The following SORCS1 variants were observed in gnomAD, a reference collection of about 807,000 sequenced individuals.
The protein encoded by SORCS1 is sortilin related VPS10 domain containing receptor 1.
A neutral mutation model predicts 146.1 loss-of-function variants in SORCS1; 60 were observed. The observed-to-expected ratio is 0.41, with a 90% CI of 0.33 to 0.51. The LOEUF (loss-of-function observed/expected upper bound fraction) is 0.51. Ranked by LOEUF, SORCS1 falls within the 20% of genes least tolerant of loss-of-function variation. The pLI is 0.21. For synonymous variants in SORCS1, 637 were observed against 584.0 expected, an observed-to-expected ratio of 1.09 and a Z score of -1.31; for missense variants, 1,352 against 1,487.6, an observed-to-expected ratio of 0.91 and a Z score of 1.50.
intron 1 of SORCS1, among the ~76,000 whole-genome samples, chr10:106,970,439 A>G (rs925408619): frequency 6.8e-6 from 1 of 147,406 alleles, no homozygotes; most frequent in Non-Finnish European, 1.5e-5. Context: ...TCTGGGTTCA[A>G]GCGATTCTCC....
At chr10:106,835,763 T>C (rs950789596) in intron 2 of SORCS1, among the ~76,000 whole-genome samples, 1 of 152,094 alleles carries the variant, frequency 6.6e-6, no homozygotes. Context: ...CCCAGAACTT[T>C]GGGAGGCCGA....
chr10:106,986,342 A>C (rs1470561526), intron 1 of SORCS1, among the ~76,000 whole-genome samples: 1 of 152,226 alleles, frequency 6.6e-6, no homozygotes, highest in African/African-American at 2.4e-5. Context: ...AAAAACTTAC[A>C]TATTTAAGAA....
intron 19 of SORCS1, among the ~76,000 whole-genome samples, chr10:106,623,845 G>A (rs958867042): frequency 6.6e-6 from 1 of 151,158 alleles, no homozygotes; most frequent in African/African-American, 2.4e-5. Flanking sequence ...TTCGACATCC[G>A]GCTAATTTTT....
intron 1 of SORCS1, among the ~76,000 whole-genome samples, chr10:106,965,248 G>T (rs931879439): frequency 6.6e-6 from 1 of 151,886 alleles, no homozygotes; most frequent in Non-Finnish European, 1.5e-5. Context: ...GGTTTTTGTG[G>T]TTTTTGTTGT....
chr10:107,116,747 T>C (rs1966064720), intron 1 of SORCS1, among the ~76,000 whole-genome samples: 1 of 152,156 alleles, frequency 6.6e-6, no homozygotes. Context: ...TGGTAATGGA[T>C]TTATTAATTA....
At chr10:106,900,845 T>A (rs556653414) in intron 2 of SORCS1, among the ~76,000 whole-genome samples, 1 of 152,354 alleles carries the variant, frequency 6.6e-6, no homozygotes, top group South Asian at 2.1e-4. Context: ...TCATCCTTAT[T>A]ACACAGATGA....
intron 2 of SORCS1, among the ~76,000 whole-genome samples, chr10:106,873,452 C>G (rs1950484951): frequency 6.6e-6 from 1 of 152,054 alleles, no homozygotes; most frequent in Non-Finnish European, 1.5e-5. Context: ...TACTTGAAAC[C>G]AGGTATCATT....
chr10:106,760,005 A>G (rs1858957749), intron 5 of SORCS1, among the ~76,000 whole-genome samples: 1 of 152,290 alleles, frequency 6.6e-6, no homozygotes, highest in African/African-American at 2.4e-5. Context: ...TTAGGGACTG[A>G]ATATTTTTGT....
At chr10:106,644,682 G>C (rs1849293584) in intron 18 of SORCS1, among the ~76,000 whole-genome samples, 1 of 152,082 alleles carries the variant, frequency 6.6e-6, no homozygotes, top group Non-Finnish European at 1.5e-5. Context: ...ATTATTAACA[G>C]CTTTGACTAT....
intron 5 of SORCS1, among the ~76,000 whole-genome samples, chr10:106,758,946 G>T (rs1430728266): frequency 6.6e-6 from 1 of 152,200 alleles, no homozygotes; most frequent in African/African-American, 2.4e-5. Context: ...AGGGGAAAAA[G>T]TGGTATCTTA....
At chr10:106,871,612 G>C (rs866274258) in intron 2 of SORCS1, among the ~76,000 whole-genome samples, 1 of 152,184 alleles carries the variant, frequency 6.6e-6, no homozygotes, top group Non-Finnish European at 1.5e-5. Flanking sequence ...AGAGATGGAG[G>C]CTATCATTCT....
chr10:106,869,428 A>T (rs190542119), intron 2 of SORCS1, among the ~76,000 whole-genome samples: 1 of 152,320 alleles, frequency 6.6e-6, no homozygotes, highest in Non-Finnish European at 1.5e-5. Flanking sequence ...GATGAATATC[A>T]ATGGAAAAAT....
At chr10:106,583,591 TCTC>T (rs1845049045) in intron 24 of SORCS1, among the ~76,000 whole-genome samples, 2 of 152,222 alleles carry the variant, frequency 1.3e-5, no homozygotes, top group South Asian at 4.1e-4. Context: ...ACTGCAATCT[TCTC>T]CTGTGTTCAA....
At chr10:107,120,501 A>C (rs1966335627) in intron 1 of SORCS1, among the ~76,000 whole-genome samples, 1 of 152,212 alleles carries the variant, frequency 6.6e-6, no homozygotes. Context: ...ATCGAGACTA[A>C]GCAAATCACA....
Position 107,041,133 on chromosome 10 carries a change from GA to G in SORCS1, c.559-84554del, listed in dbSNP as rs374564052. On this transcript the variant is annotated intron_variant, in intron 1 of 25. Coordinates refer to ENST00000263054, the MANE Select transcript of SORCS1 (RefSeq NM_052918.5). ...AAGATGTATTATTGCTAAGCAGGAA[GA>G]AAAATGCAAGTTCAGAACAAATGTG... Among the ~76,000 whole-genome samples, 222 of 152,178 alleles carry G rather than the reference GA, an allele frequency of 1.5e-3. 1 individual carries two copies. Among genetic ancestry groups the G allele is most frequent in the African/African-American group, 5.2e-3 (216 of 41,514 alleles).
chr10:107,175,586 C>T, the SORCS1 span, among the ~76,000 whole-genome samples: 2 of 152,212 alleles, frequency 1.3e-5, no homozygotes, highest in East Asian at 1.9e-4. Context: ...CAGGTGTGTG[C>T]CACCATGCCT....
intron 1 of SORCS1, among the ~76,000 whole-genome samples, chr10:107,055,926 G>A (rs1167656155): frequency 6.6e-6 from 1 of 152,166 alleles, no homozygotes; most frequent in Admixed American, 6.5e-5. Flanking sequence ...GAATACTGAA[G>A]TCACCTAAGG....
intron 2 of SORCS1, among the ~76,000 whole-genome samples, chr10:106,904,579 T>C (rs988977065): frequency 6.6e-6 from 1 of 152,194 alleles, no homozygotes; most frequent in Non-Finnish European, 1.5e-5. Context: ...TGTCAGGGCA[T>C]CCAGACCTCC....
chr10:106,956,799 A>G (rs572979578), intron 1 of SORCS1, among the ~76,000 whole-genome samples: 9 of 152,208 alleles, frequency 5.9e-5, no homozygotes, highest in Non-Finnish European at 1.2e-4. Flanking sequence ...TCTCCCTGTC[A>G]CCCTGCAGCA....
Sources: gnomAD v4.1 joint callset for allele counts (sites outside exome capture counted in the v4.1 genomes callset) on GRCh38, gnomAD v4.1.1 for gene constraint, MANE v1.5 for transcripts, NCBI Gene and HGNC (gene_info 2026-07-23, HGNC 2026-07-21) for gene names.